The following KIAA0586 variants were observed in gnomAD, a reference collection of about 807,000 sequenced individuals.
The protein encoded by KIAA0586 is KIAA0586.
KIAA0586 carries 144 observed loss-of-function variants against 169.8 expected under a neutral mutation model. The ratio of observed to expected loss-of-function variants is 0.85; its 90% confidence interval spans 0.74 to 0.97. The LOEUF (loss-of-function observed/expected upper bound fraction) is 0.97, where lower values mean the gene tolerates loss of function less well. Among genes scored for constraint, KIAA0586 ranks in the 50% least tolerant of loss-of-function variants. KIAA0586 has a pLI of 0.00. For synonymous variants in KIAA0586, 625 were observed against 612.4 expected (o/e 1.02, Z -0.30); for missense variants, 1,854 against 1,823.0 (o/e 1.02, Z -0.31).
rs764345823 is a variant in KIAA0586 at position 58,488,611 on chromosome 14, A to G, written c.3528-10A>G. 1 of 1,612,862 alleles carries G rather than the reference A, an allele frequency of 6.2e-7. No homozygotes were observed. The highest frequency in any genetic ancestry group is 8.5e-7 in the Non-Finnish European group (1 of 1,179,204). ...CCTAACAAGCTCCAAATATGTCTTT[A>G]TTTTCTTAGTGTAATGTCTGTGGCT... is the stretch of plus-strand genomic sequence containing the variant. On this transcript the variant is annotated splice_polypyrimidine_tract_variant and intron_variant, in intron 23 of 30. Transcript: ENST00000652326.
rs1595342268 is a variant in KIAA0586 at position 58,487,875 on chromosome 14, A to AG, written c.3305-12_3305-11insG. ...ACTATCTTTTTCTGTCCTTTTAAAAAAAAACCTTTAGGAGATGATATGCCT... is the reference window on the plus strand; with the variant it reads ...ACTATCTTTTTCTGTCCTTTTAAAAAGAAAACCTTTAGGAGATGATATGCCT... On this transcript the variant is annotated splice_polypyrimidine_tract_variant and intron_variant, in intron 22 of 30. Transcript: ENST00000652326. 1 of 1,597,606 alleles carries AG rather than the reference A, an allele frequency of 6.3e-7. No individual in the cohort carries two copies. Among genetic ancestry groups the AG allele is most frequent in the Non-Finnish European group, 8.5e-7 (1 of 1,171,370 alleles).
chr14:58,443,431 A>G (rs2038578163), intron 5 of KIAA0586, among the ~76,000 whole-genome samples: 1 of 152,132 alleles, frequency 6.6e-6, no homozygotes, highest in African/African-American at 2.4e-5. Flanking sequence ...TATTTGTGGC[A>G]GATTTGTTTG....
intron 18 of KIAA0586, among the ~76,000 whole-genome samples, chr14:58,473,008 A>G (rs1488070788): frequency 1.4e-5 from 2 of 147,958 alleles, no homozygotes; most frequent in East Asian, 2.0e-4. Flanking sequence ...TTATTTTTAT[A>G]TTCCTAATGC....
intron 26 of KIAA0586, among the ~76,000 whole-genome samples, chr14:58,496,614 A>C (rs538247192): frequency 6.6e-6 from 1 of 152,234 alleles, no homozygotes; most frequent in Non-Finnish European, 1.5e-5. Flanking sequence ...GGAGAGATAG[A>C]GATGTACATA....
downstream of KIAA0586, among the ~76,000 whole-genome samples, chr14:58,551,676 G>T (rs1165373772): frequency 1.3e-5 from 2 of 152,100 alleles, no homozygotes; most frequent in African/African-American, 4.8e-5. Context: ...TGAGACAGGA[G>T]AATTGCTTGA....
intron 28 of KIAA0586, among the ~76,000 whole-genome samples, chr14:58,509,896 G>A (rs963980386): frequency 5.9e-5 from 9 of 152,114 alleles, no homozygotes; most frequent in Admixed American, 6.5e-5. Flanking sequence ...TAAAAGGCAA[G>A]CCACTGACTG....
intron 4 of KIAA0586, among the ~76,000 whole-genome samples, chr14:58,437,835 A>G (rs1200067689): frequency 3.9e-5 from 6 of 152,074 alleles, no homozygotes; most frequent in African/African-American, 1.2e-4. Flanking sequence ...AAGTGATTCA[A>G]TGAGGTTATG....
chr14:58,512,708 T>TA lies in KIAA0586; in HGVS notation c.4429+82dup, dbSNP rs1384805802. ...ACAAATATGAGAATTCTTTACTTTTTATACATCCCACTGCTCTCTAGGTTT... is the reference window on the plus strand; with the variant it reads ...ACAAATATGAGAATTCTTTACTTTTTAATACATCCCACTGCTCTCTAGGTTT... On this transcript the variant is annotated intron_variant, in intron 29 of 30. Transcript: ENST00000652326. The TA allele has an allele frequency of 7.7e-6, 6 of 779,604 alleles. No homozygotes were observed. The Middle Eastern group carries it at 9.3e-4, about 120-fold the overall frequency. The allele number at this position is 779,604 out of a possible 1,614,324, so 48.3% of individuals were successfully genotyped here.
At chr14:58,544,500 T>A (rs552497400) in intron 30 of KIAA0586, among the ~76,000 whole-genome samples, 70 of 152,318 alleles carry the variant, frequency 4.6e-4, no homozygotes, top group Non-Finnish European at 9.7e-4. Flanking sequence ...GAATAAGTGT[T>A]CCCTTTTCTC....
downstream of KIAA0586, among the ~76,000 whole-genome samples, chr14:58,554,799 T>G (rs2047233844): frequency 6.6e-6 from 1 of 152,124 alleles, no homozygotes; most frequent in South Asian, 2.1e-4. Flanking sequence ...GTAAGAAAAA[T>G]TTTTTAGCTC....
In KIAA0586 at chr14:58,429,402, C is replaced by A; in HGVS notation, c.239C>A (p.Pro80His). ...ACTTCTGCTAGAAATTGTTACCAGC[C>A]TCTATTAGAAAATCCCATGGTGTCA... ...DLTSARNCYQPLLENPMVSES... is the reference protein window; with the variant it reads ...DLTSARNCYQHLLENPMVSES... Residue 80 changes from proline (P) to histidine (H), a missense_variant, in exon 2 of 31, where the codon CCT becomes CAT. Pro to His is a moderately conservative substitution (Grantham distance 77). Transcript: ENST00000652326. 6.3e-7 allele frequency: 1 copy of A among 1,599,210 alleles called. No individual in the cohort carries two copies. Among genetic ancestry groups the A allele is most frequent in the Non-Finnish European group, 8.6e-7 (1 of 1,166,786 alleles).
intron 4 of KIAA0586, among the ~76,000 whole-genome samples, chr14:58,438,945 A>G (rs2038057707): frequency 6.6e-6 from 1 of 152,192 alleles, no homozygotes; most frequent in Admixed American, 6.5e-5. Context: ...AGATTTTTGA[A>G]TGGTGACGTG....
Position 58,428,130 on chromosome 14 carries a change from G to A in KIAA0586, c.-135G>A. 6.8e-7 allele frequency: 1 copy of A among 1,468,854 alleles called. No homozygotes were observed. The highest frequency in any genetic ancestry group is 9.0e-7 in the Non-Finnish European group (1 of 1,114,424). 91.0% of individuals were successfully genotyped at this position (1,468,854 alleles called of 1,614,324 possible). ...ATCCTGGATTCAATATCAGAATTTA[G>A]ATTTTCAGCTTTGTGGATGTTCGAC... On this transcript the variant is annotated 5_prime_UTR_variant, in exon 1 of 31. An upstream open reading frame in the 5' UTR loses its in-frame stop. Coordinates refer to ENST00000652326, the MANE Select transcript of KIAA0586 (RefSeq NM_001329943.3).
intron 12 of KIAA0586, among the ~76,000 whole-genome samples, chr14:58,459,246 C>T (rs562772038): frequency 6.6e-6 from 1 of 152,054 alleles, no homozygotes; most frequent in African/African-American, 2.4e-5. Flanking sequence ...TATTTTAAAA[C>T]TTTGTTGTTG....
Position 58,540,126 on chromosome 14 carries a change from T to C in KIAA0586, c.4485T>C (p.Cys1495=). Residue 1495 remains cysteine (C), a synonymous_variant, in exon 30 of 31, where the codon TGT becomes TGC. Coordinates refer to ENST00000652326, the MANE Select transcript of KIAA0586 (RefSeq NM_001329943.3). ...TQIELNPYLT[C]VFSGGKAVPL... ...TTGAGCTTAATCCGTACCTCACATG[T>C]GTATTTTCAGGTAAGATTTTTACTT... The C allele has an allele frequency of 6.5e-7, 1 of 1,547,802 alleles. No individual in the cohort carries two copies. Among genetic ancestry groups the C allele is most frequent in the African/African-American group, 1.4e-5 (1 of 73,428 alleles).
intron 25 of KIAA0586, 86 bp downstream of exon 25, chr14:58,490,326 T>G (rs911983635): frequency 6.1e-6 from 4 of 655,758 alleles, no homozygotes; most frequent in Non-Finnish European, 9.8e-6. Context: ...TTTTTCTCAA[T>G]TTTTTGAGTT....
chr14:58,547,191 AC>A (rs1359750363), intron 30 of KIAA0586, among the ~76,000 whole-genome samples: 1 of 151,980 alleles, frequency 6.6e-6, no homozygotes, highest in Non-Finnish European at 1.5e-5. Flanking sequence ...CTAACCACAA[AC>A]CTTTAATTTC....
At chr14:58,443,890 A>G in intron 5 of KIAA0586, 64 bp from the exon 6 acceptor site, 3 of 932,070 alleles carry the variant, frequency 3.2e-6, no homozygotes, top group Non-Finnish European at 4.9e-6. Flanking sequence ...TAACATTTCT[A>G]GTAATTAGAC....
At position 58,550,727 on chromosome 14, in the gene KIAA0586, A is replaced by G. The variant is rs1170941183; in HGVS notation, c.*2795A>G. ...CACACACCTGTAGCCCCAGCTACTCAAGAGGGTGAGGTGAGAGGATCGCTT... is the reference window on the plus strand; with the variant it reads ...CACACACCTGTAGCCCCAGCTACTCGAGAGGGTGAGGTGAGAGGATCGCTT... On this transcript the variant is annotated 3_prime_UTR_variant, in exon 31 of 31. Coordinates refer to ENST00000652326, the MANE Select transcript of KIAA0586 (RefSeq NM_001329943.3). The G allele has an allele frequency of 6.6e-6, 1 of 151,878 alleles. No homozygotes were observed. Among genetic ancestry groups the G allele is most frequent in the Non-Finnish European group, 1.5e-5 (1 of 68,060 alleles). The allele number at this position is 151,878 out of a possible 1,614,324, so 9.4% of individuals were successfully genotyped here. A position where few individuals can be genotyped will look rare whatever the true frequency, so the allele number is the denominator to read the frequency against.
Sources: allele counts gnomAD v4.1 joint callset (sites outside exome capture counted in the v4.1 genomes callset), GRCh38; gene constraint gnomAD v4.1.1; transcripts MANE v1.5; gene names NCBI Gene and HGNC (gene_info 2026-07-23, HGNC 2026-07-21).